Variants in NF2 observed in about 807,000 individuals in gnomAD.
The protein encoded by NF2 is NF2, moesin-ezrin-radixin like (MERLIN) tumor suppressor.
A neutral mutation model predicts 83.7 loss-of-function variants in NF2; 8 were observed. That is an observed-to-expected ratio of 0.10 (90% CI 0.06 to 0.17). NF2 has a LOEUF of 0.17. Among genes scored for constraint, NF2 ranks in the 10% least tolerant of loss-of-function variants. NF2 has a pLI of 1.00. For missense variants in NF2, 533 were observed against 744.4 expected, an observed-to-expected ratio of 0.72 and a Z score of 3.31; for synonymous variants, 266 against 269.6, an observed-to-expected ratio of 0.99 and a Z score of 0.13.
intron 1 of NF2, among the ~76,000 whole-genome samples, chr22:29,633,394 C>T (rs1376139416): frequency 6.6e-6 from 1 of 152,132 alleles, no homozygotes; most frequent in African/African-American, 2.4e-5. Context: ...AATTCTGTCT[C>T]CTCTGGTCCT....
At chr22:29,620,637 G>A (rs1367983470) in intron 1 of NF2, among the ~76,000 whole-genome samples, 1 of 151,742 alleles carries the variant, frequency 6.6e-6, no homozygotes, top group Non-Finnish European at 1.5e-5. Flanking sequence ...TACTTGGGAG[G>A]CTGAGGCAGG....
At chr22:29,606,252 C>T (rs1054707347) in intron 1 of NF2, among the ~76,000 whole-genome samples, 3 of 152,156 alleles carry the variant, frequency 2.0e-5, no homozygotes, top group Admixed American at 1.3e-4. Flanking sequence ...CTGTGCCCTG[C>T]GAAAAGTTGG....
chr22:29,654,631 G>A (rs767571774), intron 4 of NF2, 26 bp from the exon 5 acceptor site: 29 of 1,605,098 alleles, frequency 1.8e-5, no homozygotes, highest in Middle Eastern at 1.6e-4. Context: ...AATCTCAATC[G>A]CCTGCTCTCC....
intron 14 of NF2, among the ~76,000 whole-genome samples, chr22:29,681,125 A>G (rs2067121486): frequency 6.6e-6 from 1 of 151,856 alleles, no homozygotes; most frequent in Admixed American, 6.6e-5. Context: ...TCCTGGGCTC[A>G]AGCAATCCTC....
rs957945845 is a variant in NF2 at position 29,694,064 on chromosome 22, C to A, written c.1738-688C>A. 6.6e-6 allele frequency among the ~76,000 whole-genome samples: 1 copy of A among 152,360 alleles called. No individual in the cohort carries two copies. The highest frequency in any genetic ancestry group is 2.1e-4 in the South Asian group (1 of 4,828). On this transcript the variant is annotated intron_variant, in intron 15 of 15. Coordinates refer to ENST00000338641, the MANE Select transcript of NF2 (RefSeq NM_000268.4). The surrounding 1 kb of genome is among the most constrained non-coding windows in gnomAD (Gnocchi z 4.1). ...TGATCCACCCCATCCCCTTCCACAT[C>A]TCCCTGACTGTCCTTCTTTACATTT...
At chr22:29,605,665 C>A (rs1891402367) in intron 1 of NF2, among the ~76,000 whole-genome samples, 1 of 152,078 alleles carries the variant, frequency 6.6e-6, no homozygotes, top group Non-Finnish European at 1.5e-5. Flanking sequence ...GTCCTGAGGG[C>A]AAACAACAAA....
At chr22:29,644,960 G>A (rs905192395) in intron 4 of NF2, among the ~76,000 whole-genome samples, 1 of 152,022 alleles carries the variant, frequency 6.6e-6, no homozygotes, top group Non-Finnish European at 1.5e-5. Context: ...ATGGGGAGAG[G>A]GAGAGGGAGA....
chr22:29,665,287 C>A (rs1448456665), intron 9 of NF2, among the ~76,000 whole-genome samples: 1 of 151,268 alleles, frequency 6.6e-6, no homozygotes, highest in Non-Finnish European at 1.5e-5. Flanking sequence ...GTCGCCCAGG[C>A]TGGAGTGCAG....
Position 29,624,797 on chromosome 22 carries a change from TCC to T in NF2, c.115-11953_115-11952del, listed in dbSNP as rs1406691657. Among the ~76,000 whole-genome samples the T allele has an allele frequency of 6.4e-3, 945 of 147,500 alleles. 13 individuals carry two copies. Among genetic ancestry groups the T allele is most frequent in the African/African-American group, 0.023 (904 of 39,570 alleles). ...CTTATGCCATGTTCTTGTTGAAGGG[TCC>T]TCTTTCTTTCTTTCTTTCTTTCTTT... On this transcript the variant is annotated intron_variant, in intron 1 of 15. Coordinates refer to ENST00000338641, the MANE Select transcript of NF2 (RefSeq NM_000268.4).
At chr22:29,690,509 G>C (rs143339501) in intron 15 of NF2, among the ~76,000 whole-genome samples, 14 of 152,266 alleles carry the variant, frequency 9.2e-5, no homozygotes, top group African/African-American at 3.4e-4. Context: ...GCTGAGTCTC[G>C]ATGTTGGGCA....
rs2066806613 is a variant in NF2 at position 29,671,947 on chromosome 22, T to TGATGC, written c.1122_1122+1insATGCG (p.Ser377CysfsTer51). 1 of 1,614,076 alleles carries TGATGC rather than the reference T, an allele frequency of 6.2e-7. No homozygotes were observed. Among genetic ancestry groups the TGATGC allele is most frequent in the African/African-American group, 1.3e-5 (1 of 74,936 alleles). On this transcript the variant is annotated frameshift_variant and splice_region_variant, in exon 11 of 16. Transcript: ENST00000338641. LOFTEE classifies it high-confidence loss of function. ...GAAGCAACAATGGCCAACGAAGCAC[T>TGATGC]GGTGATTTCTGAGGGGCTGGGGTTC...
intron 1 of NF2, among the ~76,000 whole-genome samples, chr22:29,610,558 G>A (rs776643635): frequency 1.3e-5 from 2 of 151,414 alleles, no homozygotes; most frequent in African/African-American, 2.4e-5. Context: ...CAGGAGAATC[G>A]CTTGAACCCG....
chr22:29,695,594 C>T lies in NF2; in HGVS notation c.*792C>T. On this transcript the variant is annotated 3_prime_UTR_variant, in exon 16 of 16. Transcript: ENST00000338641. This position sits in a 1 kb window ranked among gnomAD's most constrained non-coding sequence, Gnocchi z 5.4. The stretch of plus-strand genomic sequence containing the variant: ...GAGCCACTCATGTCTTCCCCATTGC[C>T]CGACGCCCATAGACGCTCCTTCCTG... 1 of 235,266 alleles carries T rather than the reference C, an allele frequency of 4.3e-6. No homozygotes were observed. 14.6% of individuals were successfully genotyped at this position (235,266 alleles called of 1,614,324 possible). A position where few individuals can be genotyped will look rare whatever the true frequency, so the allele number is the denominator to read the frequency against.
intron 4 of NF2, among the ~76,000 whole-genome samples, chr22:29,650,040 A>G (rs572663093): frequency 6.6e-6 from 1 of 152,304 alleles, no homozygotes; most frequent in Non-Finnish European, 1.5e-5. Context: ...TAAAAATTAA[A>G]AATAAATATA....
intron 11 of NF2, among the ~76,000 whole-genome samples, chr22:29,672,740 C>T (rs547495571): frequency 6.6e-6 from 1 of 152,028 alleles, no homozygotes; most frequent in East Asian, 1.9e-4. Flanking sequence ...CTCAGCCTCC[C>T]AAGTAGCTGG....
chr22:29,657,349 T>A (rs1038601843), intron 6 of NF2, among the ~76,000 whole-genome samples: 2 of 152,234 alleles, frequency 1.3e-5, no homozygotes, highest in Non-Finnish European at 2.9e-5. Context: ...ATATTAAAAA[T>A]TATTTATTCA....
intron 3 of NF2, among the ~76,000 whole-genome samples, chr22:29,641,925 CTGT>C (rs1484137436): frequency 6.6e-6 from 1 of 152,178 alleles, no homozygotes; most frequent in Non-Finnish European, 1.5e-5. Flanking sequence ...CACACAGCCT[CTGT>C]TGTAACTACA....
At chr22:29,639,006 C>T (rs2065724487) in intron 2 of NF2, 84 bp from the exon 3 acceptor site, 1 of 1,590,458 alleles carries the variant, frequency 6.3e-7, no homozygotes, top group Non-Finnish European at 8.6e-7. Context: ...AAATTTAATG[C>T]ACGCCTTGCA....
intron 1 of NF2, among the ~76,000 whole-genome samples, chr22:29,625,889 C>T (rs1056845221): frequency 2.4e-4 from 36 of 152,174 alleles, no homozygotes; most frequent in African/African-American, 8.2e-4. Context: ...TAAACTTTCT[C>T]TTAGTGAGTT....
Sources: gnomAD v4.1 joint callset for allele counts (sites outside exome capture counted in the v4.1 genomes callset) on GRCh38, gnomAD v4.1.1 for gene constraint, Gnocchi (gnomAD v3.1) non-coding constraint, MANE v1.5 for transcripts, NCBI Gene and HGNC (gene_info 2026-07-23, HGNC 2026-07-21) for gene names.